The following SCAMP1 variants were observed in gnomAD, a reference collection of about 807,000 sequenced individuals.
SCAMP1 encodes secretory carrier membrane protein 1.
In SCAMP1, 15 loss-of-function variants were observed where a neutral mutation model predicts 41.8. That is an observed-to-expected ratio of 0.36 (90% CI 0.24 to 0.55). SCAMP1 has a LOEUF of 0.55. SCAMP1 is among the 20% of genes least tolerant of loss of function. The pLI is 0.86. For synonymous variants in SCAMP1, 135 were observed against 136.8 expected (o/e 0.99, Z 0.09); for missense variants, 341 against 412.6 (o/e 0.83, Z 1.50).
chr5:78,400,383 GT>G (rs1751767990), intron 2 of SCAMP1, among the ~76,000 whole-genome samples: 1 of 152,096 alleles, frequency 6.6e-6, no homozygotes, highest in South Asian at 2.1e-4. Context: ...TTCAACATTA[GT>G]TTGTCAGTGT....
rs535644909 is a variant in SCAMP1 at position 78,388,973 on chromosome 5, A to T, written c.135+59A>T. On this transcript the variant is annotated intron_variant, in intron 2 of 8. Transcript: ENST00000621999. ...GAAATTCAGTAGGAATTCTATTTTAACTATGATTTCTTTTTTAGTGGATTG... is the reference window on the plus strand; with the variant it reads ...GAAATTCAGTAGGAATTCTATTTTATCTATGATTTCTTTTTTAGTGGATTG... 19 of 870,122 alleles carry T rather than the reference A, an allele frequency of 2.2e-5. No individual in the cohort carries two copies. In the East Asian group the frequency reaches 5.2e-4, roughly 24 times the overall value. The allele number at this position is 870,122 out of a possible 1,614,324, so 53.9% of individuals were successfully genotyped here. A position where few individuals can be genotyped will look rare whatever the true frequency, so the allele number is the denominator to read the frequency against.
At chr5:78,413,693 C>T (rs1752138925) in intron 2 of SCAMP1, among the ~76,000 whole-genome samples, 1 of 152,222 alleles carries the variant, frequency 6.6e-6, no homozygotes, top group Admixed American at 6.5e-5. Context: ...GCTGGGATTA[C>T]AAGTGTGAGC....
At chr5:78,393,553 TAA>T (rs1751571441) in intron 2 of SCAMP1, among the ~76,000 whole-genome samples, 1 of 152,224 alleles carries the variant, frequency 6.6e-6, no homozygotes, top group African/African-American at 2.4e-5. Context: ...TAATATAGAC[TAA>T]GTCATTTTAT....
intron 6 of SCAMP1, among the ~76,000 whole-genome samples, chr5:78,431,950 T>C: frequency 6.6e-6 from 1 of 152,156 alleles, no homozygotes; most frequent in Non-Finnish European, 1.5e-5. Flanking sequence ...CTCAAGCATT[T>C]ATCCTTTGTG....
chr5:78,412,383 G>T (rs973022229), intron 2 of SCAMP1, among the ~76,000 whole-genome samples: 25 of 145,560 alleles, frequency 1.7e-4, no homozygotes, highest in African/African-American at 6.3e-4. Flanking sequence ...GTCTTGTTTT[G>T]TTTTTTTTTT....
At position 78,479,857 on chromosome 5, in the gene SCAMP1, A is replaced by T. The variant is rs150447218; in HGVS notation, c.*4189A>T. Among the ~76,000 whole-genome samples the T allele has an allele frequency of 6.6e-6, 1 of 151,996 alleles. No individual in the cohort carries two copies. The highest frequency in any genetic ancestry group is 2.4e-5 in the African/African-American group (1 of 41,310). ...GGAGATCGAAACCATCCTGGCTAAC[A>T]TGGTGAAACCCCATCTCTACTAAAA... On this transcript the variant is annotated 3_prime_UTR_variant, in exon 9 of 9. Transcript: ENST00000621999.
intron 8 of SCAMP1, among the ~76,000 whole-genome samples, chr5:78,464,415 C>T (rs1476409147): frequency 3.3e-5 from 5 of 152,178 alleles, no homozygotes; most frequent in South Asian, 4.1e-4. Flanking sequence ...TGAGCCACCA[C>T]GCACAGCCAC....
intron 1 of SCAMP1, among the ~76,000 whole-genome samples, chr5:78,373,769 A>G (rs4235707): frequency 0.95 from 144,853 of 152,238 alleles, 69,121 homozygotes; most frequent in Non-Finnish European, 0.97. Flanking sequence ...GTATCTGATA[A>G]CATTTGGTAT....
At chr5:78,442,774 T>C (rs1264714220) in intron 6 of SCAMP1, among the ~76,000 whole-genome samples, 1 of 152,252 alleles carries the variant, frequency 6.6e-6, no homozygotes, top group African/African-American at 2.4e-5. Context: ...TATATTCTCC[T>C]ATATATAAGA....
intron 6 of SCAMP1, among the ~76,000 whole-genome samples, chr5:78,423,684 T>TC (rs1554044136): frequency 4.6e-5 from 7 of 151,544 alleles, no homozygotes; most frequent in Non-Finnish European, 7.4e-5. Context: ...CTTTTTTTTT[T>TC]CCCCCATTTT....
chr5:78,419,726 T>G lies in SCAMP1; in HGVS notation c.472+823T>G, dbSNP rs573640656. Among the ~76,000 whole-genome samples, 181 of 152,338 alleles carry G rather than the reference T, an allele frequency of 1.2e-3. 1 individual carries two copies. Among genetic ancestry groups the G allele is most frequent in the South Asian group, 0.01 (49 of 4,834 alleles). On this transcript the variant is annotated intron_variant, in intron 5 of 8. Transcript: ENST00000621999. ...GGAGGAAATTTACTTGTTTTTACTTTATGATTAATGAGACTACCACCCTTC... is the reference window on the plus strand; with the variant it reads ...GGAGGAAATTTACTTGTTTTTACTTGATGATTAATGAGACTACCACCCTTC...
At chr5:78,454,927 G>C (rs1411165080) in intron 7 of SCAMP1, among the ~76,000 whole-genome samples, 6 of 106,770 alleles carry the variant, frequency 5.6e-5, no homozygotes, top group African/African-American at 1.7e-4. Context: ...TGTATGTGTC[G>C]AGGAATTTAT....
At chr5:78,419,394 T>C (rs1208894730) in intron 5 of SCAMP1, among the ~76,000 whole-genome samples, 1 of 152,240 alleles carries the variant, frequency 6.6e-6, no homozygotes, top group East Asian at 1.9e-4. Flanking sequence ...TGCGATACTT[T>C]TATTATTGAA....
At chr5:78,385,565 T>TC (rs1202526644) in intron 1 of SCAMP1, among the ~76,000 whole-genome samples, 1 of 152,198 alleles carries the variant, frequency 6.6e-6, no homozygotes, top group African/African-American at 2.4e-5. Flanking sequence ...TTTCAGACTT[T>TC]TTGATGTAAG....
At chr5:78,468,208 T>G (rs1029204623) in intron 8 of SCAMP1, among the ~76,000 whole-genome samples, 1 of 152,204 alleles carries the variant, frequency 6.6e-6, no homozygotes, top group African/African-American at 2.4e-5. Context: ...TGTTTTATAC[T>G]CCACATTTCA....
chr5:78,439,334 T>G (rs1752855475), intron 6 of SCAMP1, among the ~76,000 whole-genome samples: 1 of 152,214 alleles, frequency 6.6e-6, no homozygotes, highest in Non-Finnish European at 1.5e-5. Context: ...ATTTGGCATG[T>G]TTTTGCAGTG....
chr5:78,453,666 C>T (rs963136038), intron 7 of SCAMP1, among the ~76,000 whole-genome samples: 13 of 152,222 alleles, frequency 8.5e-5, no homozygotes, highest in African/African-American at 2.6e-4. Flanking sequence ...CTTGGCGATG[C>T]GGGCTCTTTT....
intron 6 of SCAMP1, among the ~76,000 whole-genome samples, chr5:78,433,150 TAG>T (rs1373698299): frequency 6.6e-6 from 1 of 152,170 alleles, no homozygotes; most frequent in Non-Finnish European, 1.5e-5. Flanking sequence ...CCTTTTTGAC[TAG>T]AGTCTAAGAA....
At chr5:78,394,091 A>ATATGT (rs1477102170) in intron 2 of SCAMP1, among the ~76,000 whole-genome samples, 3 of 152,182 alleles carry the variant, frequency 2.0e-5, no homozygotes, top group Non-Finnish European at 2.9e-5. Flanking sequence ...TCTGTCACAT[A>ATATGT]GAGCAGAGAG....
Sources: gnomAD v4.1 joint callset for allele counts (sites outside exome capture counted in the v4.1 genomes callset) on GRCh38, gnomAD v4.1.1 for gene constraint, MANE v1.5 for transcripts, NCBI Gene and HGNC (gene_info 2026-07-23, HGNC 2026-07-21) for gene names.